Variants in OPRM1 observed in about 807,000 individuals in gnomAD.
OPRM1 encodes the protein opioid receptor mu 1.
OPRM1 carries 27 observed loss-of-function variants against 31.8 expected under a neutral mutation model. That is an observed-to-expected ratio of 0.85 (90% CI 0.63 to 1.17). The LOEUF is 1.17. OPRM1 is among the 50% of genes most tolerant of loss of function. The pLI is 0.00. For missense variants in OPRM1, 536 were observed against 511.1 expected (o/e 1.05, Z -0.47); for synonymous variants, 196 against 189.9 (o/e 1.03, Z -0.26).
rs1442683386 is a variant in OPRM1 at position 154,126,260 on chromosome 6, C to A, written c.*7539C>A. Among the ~76,000 whole-genome samples, 4 of 152,118 alleles carry A rather than the reference C, an allele frequency of 2.6e-5. No individual in the cohort carries two copies. The highest frequency in any genetic ancestry group is 2.6e-4 in the Admixed American group (4 of 15,288). On this transcript the variant is annotated 3_prime_UTR_variant, in exon 4 of 4. Transcript: ENST00000330432. ...AGAGTCTGGGTAAAATTGAACATAG[C>A]CATATTCACTGAACAACATGAGTGA...
At chr6:154,087,095 A>G (rs1318187770) in intron 1 of OPRM1, 2 of 985,180 alleles carry the variant, frequency 2.0e-6, no homozygotes, top group East Asian at 1.1e-4. Context: ...TTTCTTTAAA[A>G]TCCATTAAGA....
chr6:154,143,532 C>T (rs1422934225), intron 3 of OPRM1, among the ~76,000 whole-genome samples: 1 of 152,170 alleles, frequency 6.6e-6, no homozygotes, highest in Admixed American at 6.5e-5. Flanking sequence ...TATAAATTGC[C>T]TTCTCTTGCA....
At chr6:154,211,284 C>T (rs942413143) in intron 3 of OPRM1, among the ~76,000 whole-genome samples, 1 of 152,030 alleles carries the variant, frequency 6.6e-6, no homozygotes, top group African/African-American at 2.4e-5. Flanking sequence ...GGCGAGGTGG[C>T]GAGCACCCCA....
intron 3 of OPRM1, among the ~76,000 whole-genome samples, chr6:154,161,392 G>A (rs1447185396): frequency 1.3e-5 from 2 of 151,888 alleles, no homozygotes; most frequent in African/African-American, 4.8e-5. Flanking sequence ...TCTATTTTTA[G>A]TAGAGATGGG....
At chr6:154,241,506 A>G (rs1019583591) in intron 3 of OPRM1, among the ~76,000 whole-genome samples, 3 of 152,138 alleles carry the variant, frequency 2.0e-5, no homozygotes, top group Admixed American at 2.0e-4. Context: ...CTCAATTTTC[A>G]TATTATTTTC....
At chr6:154,109,020 G>A (rs149006312) in intron 3 of OPRM1, 543 of 985,156 alleles carry the variant, frequency 5.5e-4, no homozygotes, top group Non-Finnish European at 6.3e-4. Flanking sequence ...CATCTAACCT[G>A]TTGGAATTAT....
chr6:154,030,093 G>A (rs1485940223), intron 1 of OPRM1, among the ~76,000 whole-genome samples: 1 of 144,042 alleles, frequency 6.9e-6, no homozygotes, highest in Non-Finnish European at 1.5e-5. Context: ...AGCAGCCTGA[G>A]AATGGACTAA....
At chr6:154,243,949 G>C (rs1780808454) in intron 3 of OPRM1, among the ~76,000 whole-genome samples, 1 of 152,174 alleles carries the variant, frequency 6.6e-6, no homozygotes. Flanking sequence ...GCCTAGAGTA[G>C]ACACTAAGTA....
In OPRM1 at chr6:154,078,745, G is replaced by A. The variant is rs568043582; in HGVS notation, c.291-11081G>A. ...ATACAAAAGATTAGCCAGGCATGGTGATGCATGCCTGTGGTCCCAGCTACT... is the reference window on the plus strand; with the variant it reads ...ATACAAAAGATTAGCCAGGCATGGTAATGCATGCCTGTGGTCCCAGCTACT... On this transcript the variant is annotated intron_variant, in intron 1 of 3. Transcript: ENST00000330432. Among the ~76,000 whole-genome samples the A allele has an allele frequency of 2.6e-5, 4 of 152,226 alleles. No homozygotes were observed. In the South Asian group the frequency reaches 8.3e-4, roughly 32 times the overall value.
chr6:154,197,827 G>A (rs1185320440), intron 3 of OPRM1, among the ~76,000 whole-genome samples: 3 of 151,828 alleles, frequency 2.0e-5, no homozygotes, highest in Non-Finnish European at 4.4e-5. Context: ...ATCCTGGGGG[G>A]TGTGTGTGTG....
chr6:154,122,923 G>A lies in OPRM1; in HGVS notation c.*4202G>A, dbSNP rs1274450147. ...GTAAAGTGAAAGTGAAATGGGTCAG[G>A]ATCAATGGTCTCATTGTCTAAGGTG... On this transcript the variant is annotated 3_prime_UTR_variant, in exon 4 of 4. Coordinates refer to ENST00000330432, the MANE Select transcript of OPRM1 (RefSeq NM_000914.5). Among the ~76,000 whole-genome samples, 1 of 152,148 alleles carries A rather than the reference G, an allele frequency of 6.6e-6. No homozygotes were observed. Among genetic ancestry groups the A allele is most frequent in the African/African-American group, 2.4e-5 (1 of 41,436 alleles).
Position 154,089,566 on chromosome 6 carries a change from A to G in OPRM1, c.291-260A>G, listed in dbSNP as rs115081522. On this transcript the variant is annotated intron_variant, in intron 1 of 3. Transcript: ENST00000330432. ...CATACCATTACACTCCAGCCTGGGTAACAGGGCAAGATCCTATCCAAAAAA... is the reference window on the plus strand; with the variant it reads ...CATACCATTACACTCCAGCCTGGGTGACAGGGCAAGATCCTATCCAAAAAA... 4.1e-3 allele frequency among the ~76,000 whole-genome samples: 595 copies of G among 145,280 alleles called. 4 individuals carry two copies. The highest frequency in any genetic ancestry group is 0.015 in the African/African-American group (564 of 38,438).
At position 154,145,247 on chromosome 6, in the gene OPRM1, C is replaced by T. The variant is rs190854771; in HGVS notation, c.1164+53775C>T. 9.2e-5 allele frequency among the ~76,000 whole-genome samples: 14 copies of T among 152,150 alleles called. No individual in the cohort carries two copies. In the East Asian group the frequency reaches 2.1e-3, roughly 23 times the overall value. On this transcript the variant is annotated intron_variant, in intron 3 of 3. Coordinates refer to the OPRM1 transcript ENST00000337049. The stretch of plus-strand genomic sequence containing the variant: ...ACTGTGATTATCTTTGTAGAAAATC[C>T]TCAGAAATCTTAAAAGAAAAAAACA...
chr6:154,220,369 C>A (rs902945585), intron 3 of OPRM1, among the ~76,000 whole-genome samples: 9 of 152,158 alleles, frequency 5.9e-5, no homozygotes, highest in African/African-American at 2.2e-4. Flanking sequence ...TTCAAACAGC[C>A]ATTGTTGACC....
At chr6:154,027,984 G>A (rs994597870) in intron 1 of OPRM1, among the ~76,000 whole-genome samples, 3 of 152,130 alleles carry the variant, frequency 2.0e-5, no homozygotes, top group Non-Finnish European at 4.4e-5. Context: ...CCAAGCTGGT[G>A]TCTAAGGTGC....
chr6:154,183,854 C>T (rs1485838746), intron 3 of OPRM1, among the ~76,000 whole-genome samples: 1 of 152,068 alleles, frequency 6.6e-6, no homozygotes, highest in Non-Finnish European at 1.5e-5. Flanking sequence ...CATGCCACTG[C>T]ACTCCAGCCT....
chr6:154,084,401 T>A (rs1052540670), intron 1 of OPRM1, among the ~76,000 whole-genome samples: 3 of 147,186 alleles, frequency 2.0e-5, no homozygotes, highest in Admixed American at 6.8e-5. Context: ...TTTTAGAACC[T>A]CCCCCCCCAA....
chr6:154,072,696 A>G (rs3778152), intron 1 of OPRM1, among the ~76,000 whole-genome samples: 7,160 of 152,328 alleles, frequency 0.047, 189 homozygotes, highest in East Asian at 0.093. Context: ...AAAGGGCCCT[A>G]TTAAAGGTTA....
intron 1 of OPRM1, among the ~76,000 whole-genome samples, chr6:154,031,075 A>G (rs1370462519): frequency 6.6e-6 from 1 of 152,228 alleles, no homozygotes; most frequent in African/African-American, 2.4e-5. Flanking sequence ...TTTACATTTA[A>G]AGCAATTAAA....
Sources: gnomAD v4.1 joint callset for allele counts (sites outside exome capture counted in the v4.1 genomes callset) on GRCh38, gnomAD v4.1.1 for gene constraint, MANE v1.5 for transcripts, NCBI Gene and HGNC (gene_info 2026-07-23, HGNC 2026-07-21) for gene names.